The following WDR70 variants were observed in gnomAD, a reference collection of about 807,000 sequenced individuals.
WDR70 encodes WD repeat domain 70.
In WDR70, 53 loss-of-function variants were observed where a neutral mutation model predicts 88.6. The observed-to-expected ratio is 0.60, with a 90% CI of 0.48 to 0.75. The LOEUF is 0.75. WDR70 is among the 30% of genes least tolerant of loss of function. The pLI, the probability that WDR70 is intolerant of heterozygous loss-of-function variation, is 0.00. For missense variants in WDR70, 610 were observed against 823.2 expected, an observed-to-expected ratio of 0.74 and a Z score of 3.17; for synonymous variants, 280 against 270.0, an observed-to-expected ratio of 1.04 and a Z score of -0.36.
chr5:37,697,579 GAA>G (rs1205672151), intron 10 of WDR70, 74 bp from the exon 11 acceptor site: 2 of 1,164,214 alleles, frequency 1.7e-6, no homozygotes, highest in African/African-American at 3.0e-5. Context: ...GTAATAAAGT[GAA>G]ATGTTCTTGC....
intron 7 of WDR70, among the ~76,000 whole-genome samples, chr5:37,447,619 G>C (rs1161707289): frequency 1.3e-5 from 2 of 152,172 alleles, no homozygotes; most frequent in African/African-American, 4.8e-5. Context: ...AAAAAATGAT[G>C]AGTTCATGTC....
At chr5:37,552,368 C>T (rs531735819) in intron 9 of WDR70, among the ~76,000 whole-genome samples, 1 of 152,284 alleles carries the variant, frequency 6.6e-6, no homozygotes, top group South Asian at 2.1e-4. Context: ...CTTTCTGAAC[C>T]AGTGTCTTTA....
intron 10 of WDR70, among the ~76,000 whole-genome samples, chr5:37,609,646 C>T (rs969204478): frequency 6.6e-6 from 1 of 152,202 alleles, no homozygotes; most frequent in Non-Finnish European, 1.5e-5. Context: ...TATCTGACTG[C>T]CTTCTATTGC....
intron 5 of WDR70, among the ~76,000 whole-genome samples, chr5:37,406,104 GAA>G (rs577943636): frequency 6.6e-6 from 1 of 152,224 alleles, no homozygotes; most frequent in African/African-American, 2.4e-5. Flanking sequence ...AGGGAAACTG[GAA>G]AACTAAGGAA....
intron 10 of WDR70, among the ~76,000 whole-genome samples, chr5:37,692,798 A>C (rs879135454): frequency 6.6e-6 from 1 of 152,190 alleles, no homozygotes; most frequent in Non-Finnish European, 1.5e-5. Flanking sequence ...CCCTTTGAAA[A>C]CCAGCACAAG....
intron 10 of WDR70, among the ~76,000 whole-genome samples, chr5:37,617,976 G>A (rs769756398): frequency 2.0e-5 from 3 of 152,138 alleles, no homozygotes; most frequent in Non-Finnish European, 4.4e-5. Flanking sequence ...GGAAAATTGA[G>A]TTCACATAAG....
At chr5:37,401,933 A>G (rs1321192143) in intron 5 of WDR70, among the ~76,000 whole-genome samples, 1 of 152,208 alleles carries the variant, frequency 6.6e-6, no homozygotes, top group African/African-American at 2.4e-5. Context: ...TGTGTTGGCA[A>G]TATTCAAAAT....
chr5:37,647,585 A>G (rs536788068), intron 10 of WDR70, among the ~76,000 whole-genome samples: 1 of 152,282 alleles, frequency 6.6e-6, no homozygotes, highest in East Asian at 1.9e-4. Flanking sequence ...TCATATTTTC[A>G]TTAGGGGGCA....
chr5:37,749,830 G>GA (rs61354861), intron 17 of WDR70, among the ~76,000 whole-genome samples: 16,445 of 142,480 alleles, frequency 0.12, 1,798 homozygotes, highest in African/African-American at 0.29. Flanking sequence ...AATACTAGGT[G>GA]AAAAAAAAAA....
rs1390694322 is a variant in WDR70, at chr5:37,466,575, G to A, written c.687-13259G>A. Among the ~76,000 whole-genome samples, 6 of 151,828 alleles carry A rather than the reference G, an allele frequency of 4.0e-5. No individual in the cohort carries two copies. The South Asian group carries it at 1.3e-3, about 32-fold the overall frequency. ...CAAAAAATTAGCCGGGCATGGTGGC[G>A]GGCGCCTGTAGTCCCAGCTACTCAG... is the stretch of plus-strand genomic sequence containing the variant. On this transcript the variant is annotated intron_variant, in intron 7 of 17. Coordinates refer to ENST00000265107, the MANE Select transcript of WDR70 (RefSeq NM_018034.4).
At chr5:37,485,077 A>G (rs1341852375) in intron 8 of WDR70, among the ~76,000 whole-genome samples, 1 of 152,248 alleles carries the variant, frequency 6.6e-6, no homozygotes, top group Non-Finnish European at 1.5e-5. Flanking sequence ...GTCGTCTGCC[A>G]CAAACATATT....
chr5:37,520,621 A>T lies in WDR70; in HGVS notation c.917+4031A>T, dbSNP rs141055654. Among the ~76,000 whole-genome samples, 129 of 152,256 alleles carry T rather than the reference A, an allele frequency of 8.5e-4. 2 individuals are homozygous for T. The East Asian group carries it at 0.024, about 28-fold the overall frequency. On this transcript the variant is annotated intron_variant, in intron 9 of 17. Coordinates refer to ENST00000265107, the MANE Select transcript of WDR70 (RefSeq NM_018034.4). The stretch of plus-strand genomic sequence containing the variant: ...GTAAGGTTTATTCTAGGATGTAAGG[A>T]TATTTTACCACCAGGATATTTCAGT...
At chr5:37,444,800 C>T (rs1322785317) in intron 7 of WDR70, among the ~76,000 whole-genome samples, 1 of 152,040 alleles carries the variant, frequency 6.6e-6, no homozygotes, top group Non-Finnish European at 1.5e-5. Context: ...GCGTGGAGGT[C>T]GGGGTGGTGG....
At chr5:37,733,221 C>T (rs912008244) in intron 17 of WDR70, among the ~76,000 whole-genome samples, 1 of 152,078 alleles carries the variant, frequency 6.6e-6, no homozygotes, top group Non-Finnish European at 1.5e-5. Context: ...GTTGCCTAGT[C>T]TTCACATTGC....
intron 10 of WDR70, among the ~76,000 whole-genome samples, chr5:37,677,381 A>C (rs879270676): frequency 6.6e-6 from 1 of 152,120 alleles, no homozygotes; most frequent in Non-Finnish European, 1.5e-5. Flanking sequence ...TAGTGCTATA[A>C]ATTTCCCTCT....
chr5:37,639,276 C>A (rs1745046503), intron 10 of WDR70, among the ~76,000 whole-genome samples: 1 of 152,124 alleles, frequency 6.6e-6, no homozygotes, highest in Non-Finnish European at 1.5e-5. Context: ...GTTTTTGATT[C>A]TTTCCTGGTG....
chr5:37,702,080 A>G (rs1747180297), intron 12 of WDR70, among the ~76,000 whole-genome samples: 1 of 152,214 alleles, frequency 6.6e-6, no homozygotes, highest in South Asian at 2.1e-4. Context: ...TAGAAATGAA[A>G]TAATGGTCAA....
intron 10 of WDR70, among the ~76,000 whole-genome samples, chr5:37,649,816 C>A (rs1337497871): frequency 2.2e-5 from 3 of 133,748 alleles, no homozygotes; most frequent in Non-Finnish European, 4.6e-5. Context: ...CGGCTCACTG[C>A]AAGCTCCGCC....
At chr5:37,545,304 G>A (rs572346851) in intron 9 of WDR70, among the ~76,000 whole-genome samples, 2 of 152,218 alleles carry the variant, frequency 1.3e-5, no homozygotes, top group South Asian at 4.1e-4. Context: ...TAGAATTGGT[G>A]CAGAAGAAGG....
Sources: gnomAD v4.1 joint callset for allele counts (sites outside exome capture counted in the v4.1 genomes callset) on GRCh38, gnomAD v4.1.1 for gene constraint, MANE v1.5 for transcripts, NCBI Gene and HGNC (gene_info 2026-07-23, HGNC 2026-07-21) for gene names.